Variants in TPST2 observed in about 807,000 individuals in gnomAD.
TPST2 encodes the protein protein-tyrosine sulfotransferase 2.
Under a neutral mutation model 27.8 loss-of-function variants are expected in TPST2, and 16 were observed. That is an observed-to-expected ratio of 0.58 (90% CI 0.39 to 0.88). TPST2 has a LOEUF of 0.88. TPST2 is among the 40% of genes least tolerant of loss of function. The pLI, the probability that TPST2 is intolerant of heterozygous loss-of-function variation, is 0.00. For missense variants in TPST2, 464 were observed against 543.1 expected (o/e 0.85, Z 1.45); for synonymous variants, 229 against 231.7 (o/e 0.99, Z 0.10).
intron 1 of TPST2, among the ~76,000 whole-genome samples, chr22:26,563,489 C>T (rs912982572): frequency 3.3e-5 from 5 of 152,032 alleles, no homozygotes; most frequent in Admixed American, 2.6e-4. Context: ...CCTCCACGCC[C>T]GGCTAATTTT....
intron 1 of TPST2, among the ~76,000 whole-genome samples, chr22:26,582,941 C>T (rs575968625): frequency 6.6e-6 from 1 of 151,958 alleles, no homozygotes; most frequent in South Asian, 2.1e-4. Flanking sequence ...ACCCTAGCGC[C>T]CAGAGACAGG....
At chr22:26,573,700 G>A (rs1287368802) in intron 1 of TPST2, among the ~76,000 whole-genome samples, 1 of 151,584 alleles carries the variant, frequency 6.6e-6, no homozygotes, top group Non-Finnish European at 1.5e-5. Flanking sequence ...TTTTTTTTGT[G>A]GTTCATCCAG....
chr22:26,565,308 C>G (rs1289000200), intron 1 of TPST2: 1 of 152,450 alleles, frequency 6.6e-6, no homozygotes, highest in African/African-American at 2.4e-5. Context: ...CCACCAGGAG[C>G]TGGCAGACCC....
chr22:26,537,110 T>A (rs1925513540), intron 3 of TPST2, among the ~76,000 whole-genome samples: 1 of 152,184 alleles, frequency 6.6e-6, no homozygotes, highest in South Asian at 2.1e-4. Flanking sequence ...ATTTTGTCCC[T>A]AAAAAAAGTT....
Position 26,541,713 on chromosome 22 carries a change from T to G in TPST2, c.-83A>C. Reference sequence around the variant, plus strand: ...CAGGTTAGCGGGCAGCCCGCCAGGCTCACATCTGGGGAGAGAGGGGGACAT... The same window carrying G: ...CAGGTTAGCGGGCAGCCCGCCAGGCGCACATCTGGGGAGAGAGGGGGACAT... On this transcript the variant is annotated 5_prime_UTR_variant, in exon 3 of 7. It removes the in-frame stop codon of an upstream open reading frame in the 5' UTR. Coordinates refer to ENST00000338754, the MANE Select transcript of TPST2 (RefSeq NM_003595.5). The surrounding 1 kb of genome is among the most constrained non-coding windows in gnomAD (Gnocchi z 5.9). 6.8e-7 allele frequency: 1 copy of G among 1,469,150 alleles called. No individual in the cohort carries two copies. Among genetic ancestry groups the G allele is most frequent in the Non-Finnish European group, 9.0e-7 (1 of 1,117,130 alleles). The allele number at this position is 1,469,150 out of a possible 1,614,324, so 91.0% of individuals were successfully genotyped here.
intron 3 of TPST2, among the ~76,000 whole-genome samples, chr22:26,538,222 G>C (rs766658706): frequency 2.9e-4 from 44 of 152,250 alleles, no homozygotes; most frequent in Non-Finnish European, 4.6e-4. Context: ...GAGGTGAGGA[G>C]AACAGGGGAA....
At position 26,532,564 on chromosome 22, in the gene TPST2, G is replaced by T. The variant is rs1378770448; in HGVS notation, c.1092+131C>A. On this transcript the variant is annotated intron_variant, in intron 5 of 6. Transcript: ENST00000338754. ...AAAGTGCTGGGATTACAGGCAGCCAGCTCACATCCCCCTTTTTATAATGGG... is the reference window on the plus strand; with the variant it reads ...AAAGTGCTGGGATTACAGGCAGCCATCTCACATCCCCCTTTTTATAATGGG... 14 of 1,031,792 alleles carry T rather than the reference G, an allele frequency of 1.4e-5. No homozygotes were observed. The Admixed American group carries it at 1.4e-4, about 10-fold the overall frequency. 63.9% of individuals were successfully genotyped at this position (1,031,792 alleles called of 1,614,324 possible).
At chr22:26,561,888 G>C (rs940808032) in intron 1 of TPST2, among the ~76,000 whole-genome samples, 12 of 152,194 alleles carry the variant, frequency 7.9e-5, no homozygotes, top group Non-Finnish European at 1.2e-4. Flanking sequence ...CCCACCTACA[G>C]GGAACATCTT....
At chr22:26,551,138 AGCTGG>A (rs1405196505) in intron 1 of TPST2, among the ~76,000 whole-genome samples, 1 of 136,730 alleles carries the variant, frequency 7.3e-6, no homozygotes, top group Admixed American at 7.1e-5. Flanking sequence ...TACAAAAATT[AGCTGG>A]GCTTGATGAT....
In TPST2 at chr22:26,540,979, T is replaced by G; in HGVS notation, c.652A>C (p.Ile218Leu). ...RDCLTKWNKA[I>L]EVMYAQCMEV... ...ATGCACTGGGCGTACATCACCTCGA[T>G]GGCCTTGTTCCACTTGGTGAGGCAG... The change falls in exon 3 of 7, where the codon ATC (isoleucine) becomes CTC (leucine). Residue 218 changes from isoleucine (I) to leucine (L), a missense_variant. Physicochemically the swap from Ile to Leu is conservative, Grantham distance 5. Coordinates refer to ENST00000338754, the MANE Select transcript of TPST2 (RefSeq NM_003595.5). The G allele has an allele frequency of 6.2e-7, 1 of 1,614,192 alleles. No individual in the cohort carries two copies. Among genetic ancestry groups the G allele is most frequent in the Non-Finnish European group, 8.5e-7 (1 of 1,180,016 alleles).
intron 1 of TPST2, among the ~76,000 whole-genome samples, chr22:26,556,572 G>A (rs967742438): frequency 2.0e-5 from 3 of 152,114 alleles, no homozygotes; most frequent in African/African-American, 4.8e-5. Flanking sequence ...CTGGTGATGC[G>A]AGTGCTGCCA....
chr22:26,574,598 C>G (rs1414279524), intron 1 of TPST2, among the ~76,000 whole-genome samples: 1 of 152,204 alleles, frequency 6.6e-6, no homozygotes, highest in Non-Finnish European at 1.5e-5. Context: ...TGGCTGGAGA[C>G]AAATACAAGT....
intron 1 of TPST2, among the ~76,000 whole-genome samples, chr22:26,568,534 A>G (rs1201232935): frequency 6.6e-6 from 1 of 152,242 alleles, no homozygotes; most frequent in African/African-American, 2.4e-5. Flanking sequence ...CCAAGATGGC[A>G]ACAAAAGTGA....
intron 1 of TPST2, among the ~76,000 whole-genome samples, chr22:26,558,894 T>C (rs1041496942): frequency 6.6e-6 from 1 of 152,218 alleles, no homozygotes; most frequent in Admixed American, 6.5e-5. Context: ...ACAAGTGATG[T>C]TGCGCTGTGC....
chr22:26,527,376 C>T (rs16982282), intron 6 of TPST2, among the ~76,000 whole-genome samples: 12,670 of 152,152 alleles, frequency 0.083, 725 homozygotes, highest in East Asian at 0.13. Flanking sequence ...CAGCACTTCA[C>T]GGTTTCCAAG....
intron 6 of TPST2, among the ~76,000 whole-genome samples, chr22:26,526,923 CAA>C (rs1924875207): frequency 6.6e-6 from 1 of 152,172 alleles, no homozygotes; most frequent in Middle Eastern, 3.4e-3. Context: ...ACTAAAAATA[CAA>C]AAATTAGCTG....
chr22:26,528,473 A>G (rs1361493164), intron 5 of TPST2, among the ~76,000 whole-genome samples: 1 of 152,218 alleles, frequency 6.6e-6, no homozygotes, highest in Non-Finnish European at 1.5e-5. Flanking sequence ...GAGTTGAAGA[A>G]AAAGCCTACT....
chr22:26,528,325 G>A, intron 5 of TPST2, 63 bp from the exon 6 acceptor site: 3 of 1,533,924 alleles, frequency 2.0e-6, no homozygotes, highest in South Asian at 2.4e-5. Context: ...TTGCTGTATT[G>A]AGGGTCACCC....
intron 1 of TPST2, among the ~76,000 whole-genome samples, chr22:26,549,735 G>A (rs1243749533): frequency 4.0e-5 from 6 of 149,466 alleles, no homozygotes; most frequent in African/African-American, 7.4e-5. Context: ...GTTGGAAACA[G>A]CGGGGTTTCA....
Sources: allele counts gnomAD v4.1 joint callset (sites outside exome capture counted in the v4.1 genomes callset), GRCh38; gene constraint gnomAD v4.1.1; non-coding constraint Gnocchi (gnomAD v3.1); transcripts MANE v1.5; gene names NCBI Gene and HGNC (gene_info 2026-07-23, HGNC 2026-07-21).